REXO1: variants seen among roughly 807,000 people sequenced by gnomAD.
The protein encoded by REXO1 is REX1, RNA exonuclease 1 homolog.
REXO1 carries 42 observed loss-of-function variants against 102.6 expected under a neutral mutation model. That is an observed-to-expected ratio of 0.41 (90% CI 0.32 to 0.53). The LOEUF (loss-of-function observed/expected upper bound fraction) is 0.53, where lower values mean the gene tolerates loss of function less well. REXO1 is among the 20% of genes least tolerant of loss of function. The pLI is 0.27. For missense variants in REXO1, 1,819 were observed against 1,732.5 expected (o/e 1.05, Z -0.89); for synonymous variants, 908 against 779.1 (o/e 1.17, Z -2.76).
chr19:1,844,309 T>C lies in REXO1; in HGVS notation c.157+3893A>G, dbSNP rs77738062. On this transcript the variant is annotated intron_variant, in intron 1 of 15. Transcript: ENST00000170168. ...GGGAAGAGCCACTCCCACTGCTGTT[T>C]GGGGGTCACAGGCAGAGTCCGCCCA... 5.6e-4 allele frequency among the ~76,000 whole-genome samples: 86 copies of C among 152,272 alleles called. 2 individuals carry two copies. The East Asian group carries it at 0.015, about 27-fold the overall frequency.
Position 1,818,501 on chromosome 19 carries a change from T to A in REXO1, c.2997A>T (p.Gly999=), listed in dbSNP as rs1430275375. The change falls in exon 10 of 16, where the codon GGA becomes GGT. Residue 999 remains glycine (G), a synonymous_variant. Transcript: ENST00000170168. ...IRDEECYYHW[G]RLRRNRVAGG... Reference sequence around the variant, plus strand: ...CCTTACCCCGGTTCCGGCGCAGCCGTCCCCAGTGGTAATAACACTCCTCGT... The same window carrying A: ...CCTTACCCCGGTTCCGGCGCAGCCGACCCCAGTGGTAATAACACTCCTCGT... The A allele has an allele frequency of 1.2e-6, 2 of 1,608,698 alleles. No homozygotes were observed. The highest frequency in any genetic ancestry group is 2.7e-5 in the African/African-American group (2 of 74,780).
At chr19:1,817,627 G>A (rs1161599985) in intron 11 of REXO1, 80 bp downstream of exon 11, 1 of 1,498,002 alleles carries the variant, frequency 6.7e-7, no homozygotes, top group Non-Finnish European at 9.1e-7. Flanking sequence ...ACTGTGCTGT[G>A]TCCCGAGACC....
At chr19:1,847,632 C>T (rs537251599) in intron 1 of REXO1, among the ~76,000 whole-genome samples, 3 of 152,342 alleles carry the variant, frequency 2.0e-5, no homozygotes, top group African/African-American at 7.2e-5. Flanking sequence ...TGGAATTCCT[C>T]GGAGCCCACT....
At chr19:1,817,088 G>A (rs1017613025) in intron 12 of REXO1, 131 bp downstream of exon 12, 5 of 1,124,346 alleles carry the variant, frequency 4.4e-6, no homozygotes, top group African/African-American at 3.1e-5. Context: ...GGAGCCACAG[G>A]CACCGGTGCT....
At chr19:1,821,774 C>T (rs759106284) in intron 4 of REXO1, 92 bp from the exon 5 acceptor site, 62 of 1,187,334 alleles carry the variant, frequency 5.2e-5, no homozygotes, top group Non-Finnish European at 6.7e-5. Context: ...TCAGCGCCAG[C>T]AGCACGTGCA....
chr19:1,836,266 C>T (rs2070033924), intron 1 of REXO1, among the ~76,000 whole-genome samples: 1 of 152,234 alleles, frequency 6.6e-6, no homozygotes, highest in African/African-American at 2.4e-5. Context: ...GATCATGGAG[C>T]ACGAAGATCC....
chr19:1,828,416 G>A lies in REXO1; in HGVS notation c.373C>T (p.Pro125Ser), dbSNP rs144017748. 5.6e-4 allele frequency: 899 copies of A among 1,607,646 alleles called. 7 individuals carry two copies. The East Asian group carries it at 0.017, about 30-fold the overall frequency. ...TTREHRSAEA[P>S]ALAPRGPNAS... is the part of the protein sequence containing the mutation. ...TTGGGGCCGCGGGGCGCCAGGGCGG[G>A]GGCCTCGGCGGAGCGGTGCTCACGG... The change falls in exon 2 of 16, where the codon CCC (proline) becomes TCC (serine). Residue 125 changes from proline to serine, a missense_variant. Coordinates refer to ENST00000170168, the MANE Select transcript of REXO1 (RefSeq NM_020695.4).
chr19:1,818,865 A>G (rs769774810), intron 8 of REXO1, 22 bp from the exon 9 acceptor site: 1 of 1,607,706 alleles, frequency 6.2e-7, no homozygotes, highest in Non-Finnish European at 8.5e-7. Context: ...CACAGTGGTC[A>G]GCCCCTGCCT....
At chr19:1,831,067 G>A (rs1481767908) in intron 1 of REXO1, among the ~76,000 whole-genome samples, 2 of 152,186 alleles carry the variant, frequency 1.3e-5, no homozygotes, top group Non-Finnish European at 1.5e-5. Context: ...TTCCAACAAA[G>A]GCGCACGGGC....
At chr19:1,832,187 G>A (rs574586988) in intron 1 of REXO1, among the ~76,000 whole-genome samples, 89 of 152,196 alleles carry the variant, frequency 5.8e-4, no homozygotes, top group Non-Finnish European at 1.0e-3. Context: ...GCCCTGAGCC[G>A]AGGGATGCAG....
intron 4 of REXO1, chr19:1,821,935 G>T (rs1444925379): frequency 7.1e-6 from 4 of 564,098 alleles, no homozygotes; most frequent in Non-Finnish European, 1.2e-5. Context: ...GGGTGGTCCA[G>T]GCCTCTGCCA....
At chr19:1,844,464 G>A (rs1238928219) in intron 1 of REXO1, among the ~76,000 whole-genome samples, 1 of 152,218 alleles carries the variant, frequency 6.6e-6, no homozygotes, top group Non-Finnish European at 1.5e-5. Context: ...AGGAGATACT[G>A]GGTACATGGT....
At position 1,827,904 on chromosome 19, in the gene REXO1, C is replaced by T. The variant is rs2069787404; in HGVS notation, c.885G>A (p.Thr295=). The change falls in exon 2 of 16, where the codon ACG becomes ACA. Residue 295 remains threonine, a synonymous_variant. Transcript: ENST00000170168. ...CCGTGGTGGGCTCGTTACCTGGGAC[C>T]GTGGCGGCCTCATCTTCTGAGTCTG... is the stretch of plus-strand genomic sequence containing the variant. ...RFSDSEDEAA[T]VPGNEPTTAS... is the part of the protein sequence containing the mutation. 13 of 1,613,674 alleles carry T rather than the reference C, an allele frequency of 8.1e-6. No homozygotes were observed. Among genetic ancestry groups the T allele is most frequent in the East Asian group, 2.2e-5 (1 of 44,890 alleles).
chr19:1,827,021 TGGAGGAGGA>T lies in REXO1; in HGVS notation c.1759_1767del (p.Ser587_Ser589del), dbSNP rs3052937. 164 of 1,384,036 alleles carry T rather than the reference TGGAGGAGGA, an allele frequency of 1.2e-4. 1 individual carries two copies. The highest frequency in any genetic ancestry group is 7.1e-4 in the African/African-American group (47 of 65,816). 85.7% of individuals were successfully genotyped at this position (1,384,036 alleles called of 1,614,324 possible). On this transcript the variant is annotated inframe_deletion, in exon 2 of 16. Coordinates refer to ENST00000170168, the MANE Select transcript of REXO1 (RefSeq NM_020695.4). The stretch of plus-strand genomic sequence containing the variant: ...TCCACATCCGCCCCCGCGCTGGAGG[TGGAGGAGGA>T]GGAGGAGGAGGAGGAGGATGGGGCG...
At chr19:1,840,604 C>A (rs1489115830) in intron 1 of REXO1, among the ~76,000 whole-genome samples, 3 of 152,236 alleles carry the variant, frequency 2.0e-5, no homozygotes, top group South Asian at 2.1e-4. Context: ...CAAAACCCAG[C>A]CCAGTAATCC....
Position 1,848,228 on chromosome 19 carries a change from T to A in REXO1, c.131A>T (p.Asp44Val). The A allele has an allele frequency of 8.1e-7, 1 of 1,227,046 alleles. No individual in the cohort carries two copies. The highest frequency in any genetic ancestry group is 1.0e-6 in the Non-Finnish European group (1 of 981,768). 76.0% of individuals were successfully genotyped at this position (1,227,046 alleles called of 1,614,324 possible). Residue 44 changes from aspartate to valine, a missense_variant, in exon 1 of 16, where the codon GAC (aspartate) becomes GTC (valine). Transcript: ENST00000170168. Reference protein sequence around the residue: ...RGARGSGAPGDGGEAPPAAGL... With the variant: ...RGARGSGAPGVGGEAPPAAGL... ...TGCTGCGGGGGGCGCCTCTCCGCCG[T>A]CACCGGGCGCGCCGGAGCCCCGGGC...
Position 1,816,807 on chromosome 19 carries a change from T to C in REXO1, c.3208A>G (p.Thr1070Ala), listed in dbSNP as rs1471082426. ...CGCGTCAGCTCCAGGCCATATGTGG[T>C]GTAGGACTGCGGGCAAGGGATGCAC... Reference protein sequence around the residue: ...IYALDCEMSYTTYGLELTRVT... With the variant: ...IYALDCEMSYATYGLELTRVT... Residue 1070 changes from threonine to alanine, a missense_variant, in exon 13 of 16, where the codon ACC (threonine) becomes GCC (alanine). Thr to Ala is a moderately conservative substitution (Grantham distance 58, BLOSUM62 0). Transcript: ENST00000170168. The C allele has an allele frequency of 6.2e-7, 1 of 1,610,926 alleles. No homozygotes were observed. The highest frequency in any genetic ancestry group is 2.2e-5 in the East Asian group (1 of 44,764).
rs771735959 is a variant in REXO1 at position 1,816,540 on chromosome 19, G to T, written c.3347C>A (p.Ala1116Asp). 14 of 1,605,216 alleles carry T rather than the reference G, an allele frequency of 8.7e-6. No homozygotes were observed. The highest frequency in any genetic ancestry group is 1.7e-5 in the Admixed American group (1 of 59,664). The change falls in exon 14 of 16, where the codon GCC (alanine) becomes GAC (aspartate). Residue 1116 changes from alanine (A) to aspartate (D), a missense_variant. Coordinates refer to ENST00000170168, the MANE Select transcript of REXO1 (RefSeq NM_020695.4). ...GTCACGCAGCGTGACACTTGTGTCG[G>T]CAAGGTCAGCCTCCGTCACCCCCGA... ...RFSGVTEADLADTSVTLRDVQ... is the reference protein window; with the variant it reads ...RFSGVTEADLDDTSVTLRDVQ...
chr19:1,837,348 C>G (rs768201684), intron 1 of REXO1, among the ~76,000 whole-genome samples: 11 of 152,202 alleles, frequency 7.2e-5, no homozygotes, highest in Non-Finnish European at 1.5e-4. Flanking sequence ...CTTGGACATG[C>G]GGGCGCCCGG....
Sources: gnomAD v4.1 joint callset for allele counts (sites outside exome capture counted in the v4.1 genomes callset) on GRCh38, gnomAD v4.1.1 for gene constraint, MANE v1.5 for transcripts, NCBI Gene and HGNC (gene_info 2026-07-23, HGNC 2026-07-21) for gene names.